Variants in NPHS1 observed in about 807,000 individuals in gnomAD.
NPHS1 encodes NPHS1 adhesion molecule, nephrin, also known as nephrin.
Under a neutral mutation model 139.7 loss-of-function variants are expected in NPHS1, and 107 were observed. That is an observed-to-expected ratio of 0.77 (90% CI 0.66 to 0.90). The LOEUF is 0.90. Among genes scored for constraint, NPHS1 ranks in the 40% least tolerant of loss-of-function variants. The probability of loss-of-function intolerance (pLI) is 0.00; values close to 1 mark genes in which losing one functional copy is unlikely to be tolerated. For synonymous variants in NPHS1, 707 were observed against 706.6 expected (o/e 1.00, Z -0.01); for missense variants, 1,580 against 1,654.2 (o/e 0.96, Z 0.78).
rs552917975 is a variant in NPHS1, at chr19:35,831,369, G to A, written c.3314C>T (p.Ser1105Leu). The A allele has an allele frequency of 4.3e-6, 7 of 1,613,898 alleles. No homozygotes were observed. The highest frequency in any genetic ancestry group is 2.2e-5 in the South Asian group (2 of 91,070). ...TTCGTTCCTGACTCGGTCCTCTTCC[G>A]ACCTTCCAGGATGAAGGTGTGGGGG... Reference protein sequence around the residue: ...EGISEKTEAGSEEDRVRNEYE... With the variant: ...EGISEKTEAGLEEDRVRNEYE... Residue 1105 changes from serine (S) to leucine (L), a missense_variant and splice_region_variant, in exon 26 of 29, where the codon TCG becomes TTG. Physicochemically the swap from Ser to Leu is moderately radical, Grantham distance 145. Transcript: ENST00000378910.
In NPHS1 at chr19:35,842,116, G is replaced by C; in HGVS notation, c.2663+8C>G. The C allele has an allele frequency of 6.2e-7, 1 of 1,600,708 alleles. No homozygotes were observed. Among genetic ancestry groups the C allele is most frequent in the South Asian group, 1.1e-5 (1 of 88,636 alleles). ...GCTGGAGTGCTGCCTGGCTGGGCTTGGGCTCACCTGGGATCTTGGAGATCC... is the reference window on the plus strand; with the variant it reads ...GCTGGAGTGCTGCCTGGCTGGGCTTCGGCTCACCTGGGATCTTGGAGATCC... On this transcript the variant is annotated splice_region_variant and intron_variant, in intron 19 of 28. Coordinates refer to ENST00000378910, the MANE Select transcript of NPHS1 (RefSeq NM_004646.4).
Position 35,851,885 on chromosome 19 carries a change from T to C in NPHS1, c.-48A>G. The C allele has an allele frequency of 2.0e-6, 3 of 1,508,282 alleles. No homozygotes were observed. The highest frequency in any genetic ancestry group is 2.7e-6 in the Non-Finnish European group (3 of 1,109,042). The allele number at this position is 1,508,282 out of a possible 1,614,324, so 93.4% of individuals were successfully genotyped here. Reference sequence around the variant, plus strand: ...CCCACAGCGCCCGCTGCCAGCCACCTGCGTCTGTCTGGCTTTCTCTGGGTC... The same window carrying C: ...CCCACAGCGCCCGCTGCCAGCCACCCGCGTCTGTCTGGCTTTCTCTGGGTC... On this transcript the variant is annotated 5_prime_UTR_variant, in exon 1 of 29. Transcript: ENST00000378910.
At chr19:35,836,487 G>T (rs1972963775) in intron 22 of NPHS1, among the ~76,000 whole-genome samples, 1 of 152,038 alleles carries the variant, frequency 6.6e-6, no homozygotes, top group Non-Finnish European at 1.5e-5. Context: ...TTATCAATTT[G>T]TTGAGTTAAC....
chr19:35,849,218 G>A lies in NPHS1; in HGVS notation c.840+18C>T. On this transcript the variant is annotated intron_variant, in intron 7 of 28. Coordinates refer to ENST00000378910, the MANE Select transcript of NPHS1 (RefSeq NM_004646.4). ...ACCCCACTGTCCCCCCATTCCCCAT[G>A]CCCGCGTTTGCCCTCACCTTCAGCC... 1.2e-6 allele frequency: 2 copies of A among 1,613,712 alleles called. No individual in the cohort carries two copies. The highest frequency in any genetic ancestry group is 1.7e-6 in the Non-Finnish European group (2 of 1,180,028).
At position 35,842,542 on chromosome 19, in the gene NPHS1, A is replaced by G; in HGVS notation, c.2343T>C (p.Asp781=). The change falls in exon 18 of 29, where the codon GAT becomes GAC. Residue 781 remains aspartate, a synonymous_variant. Transcript: ENST00000378910. ...GMFNWERLGE[D]EEDQSLDDME... is the part of the protein sequence containing the mutation. Reference sequence around the variant, plus strand: ...TGTCATCCAGGCTCTGGTCCTCCTCATCTTCTCCCTGGAGGCCCAAGAGTC... The same window carrying G: ...TGTCATCCAGGCTCTGGTCCTCCTCGTCTTCTCCCTGGAGGCCCAAGAGTC... 6.2e-7 allele frequency: 1 copy of G among 1,613,920 alleles called. No individual in the cohort carries two copies. The highest frequency in any genetic ancestry group is 8.5e-7 in the Non-Finnish European group (1 of 1,179,978).
chr19:35,850,230 T>C, intron 5 of NPHS1, 134 bp downstream of exon 5: 1 of 729,286 alleles, frequency 1.4e-6, no homozygotes, highest in Non-Finnish European at 2.4e-6. Context: ...TGAAGAAGCT[T>C]TGAGAGTCAG....
chr19:35,850,975 A>G lies in NPHS1; in HGVS notation c.512T>C (p.Ile171Thr). ...VSGDAKPAPDITILLSGQTIS... is the reference protein window; with the variant it reads ...VSGDAKPAPDTTILLSGQTIS... ...CCCACACTCACTCAGGAGAATGGTG[A>G]TGTCAGGTGCTGGCTTCGCGTCCCC... The change falls in exon 4 of 29, where the codon ATC becomes ACC. Residue 171 changes from isoleucine (I) to threonine (T), a missense_variant. Physicochemically the swap from Ile to Thr is moderately conservative, Grantham distance 89 (BLOSUM62 -1). Coordinates refer to ENST00000378910, the MANE Select transcript of NPHS1 (RefSeq NM_004646.4). The G allele has an allele frequency of 6.2e-7, 1 of 1,614,068 alleles. No homozygotes were observed. Among genetic ancestry groups the G allele is most frequent in the Non-Finnish European group, 8.5e-7 (1 of 1,180,020 alleles).
At chr19:35,846,641 T>G (rs984061825) in intron 11 of NPHS1, among the ~76,000 whole-genome samples, 9 of 152,244 alleles carry the variant, frequency 5.9e-5, no homozygotes, top group African/African-American at 2.2e-4. Context: ...TCCTTTGAAA[T>G]TTTCCTTAAT....
At position 35,849,371 on chromosome 19, in the gene NPHS1, A is replaced by G. The variant is rs1294744251; in HGVS notation, c.713-8T>C. 6.2e-7 allele frequency: 1 copy of G among 1,609,932 alleles called. No individual in the cohort carries two copies. The highest frequency in any genetic ancestry group is 8.5e-7 in the Non-Finnish European group (1 of 1,178,532). On this transcript the variant is annotated splice_region_variant and splice_polypyrimidine_tract_variant and intron_variant, in intron 6 of 28. Coordinates refer to ENST00000378910, the MANE Select transcript of NPHS1 (RefSeq NM_004646.4). ...CAGGGGGTCCTGGAGGGACTGGGGG[A>G]TATCAGTCACTCAGTGGGCCTGGAG... is the stretch of plus-strand genomic sequence containing the variant.
rs768047120 is a variant in NPHS1 at position 35,851,315 on chromosome 19, C to T, written c.344G>A (p.Arg115His). 1.2e-6 allele frequency: 2 copies of T among 1,613,820 alleles called. No homozygotes were observed. The highest frequency in any genetic ancestry group is 2.2e-5 in the East Asian group (1 of 44,882). ...DDAEYECQVG[R>H]SEMGPELVSP... ...CACGAGCTCGGGCCCCATCTCAGAG[C>T]GGCCGACCTGGCACTCATACTCCGC... The change falls in exon 3 of 29, where the codon CGC becomes CAC. Residue 115 changes from arginine to histidine, a missense_variant. Physicochemically the swap from Arg to His is conservative, Grantham distance 29 (BLOSUM62 0). Transcript: ENST00000378910.
intron 20 of NPHS1, 42 bp from the exon 21 acceptor site, chr19:35,839,649 G>T (rs775133373): frequency 6.7e-6 from 10 of 1,485,916 alleles, no homozygotes; most frequent in Non-Finnish European, 8.5e-6. Flanking sequence ...GGATACAAAA[G>T]AATTCCAGAA....
In NPHS1 at chr19:35,849,955, A is replaced by G. The variant is rs447783; in HGVS notation, c.609-302T>C. 0.16 allele frequency among the ~76,000 whole-genome samples: 24,127 copies of G among 152,118 alleles called. 4,340 individuals carry two copies. The highest frequency in any genetic ancestry group is 0.45 in the African/African-American group (18,468 of 41,450). On this transcript the variant is annotated intron_variant, in intron 5 of 28. Coordinates refer to ENST00000378910, the MANE Select transcript of NPHS1 (RefSeq NM_004646.4). ...TTTTGAGACAGAATCTGGCTCTATC[A>G]CCCAGGCTGGAGTGCAGTGGTACAA... is the stretch of plus-strand genomic sequence containing the variant.
rs1164554514 is a variant in NPHS1, at chr19:35,831,703, A to C, written c.3226T>G (p.Ser1076Ala). The change falls in exon 24 of 29, where the codon TCC becomes GCC. Residue 1076 changes from serine (S) to alanine (A), a missense_variant. Ser to Ala is a moderately conservative substitution (Grantham distance 99). Transcript: ENST00000378910. Reference sequence around the variant, plus strand: ...ACCCCCCCGACACAGGAGGCATTGGAGAGGAGCAGAAGCCCCCCAAGAGCG... The same window carrying C: ...ACCCCCCCGACACAGGAGGCATTGGCGAGGAGCAGAAGCCCCCCAAGAGCG... ...LFALGGLLLL[S>A]NASCVGGVLW... is the part of the protein sequence containing the mutation. 8 of 1,601,334 alleles carry C rather than the reference A, an allele frequency of 5.0e-6. No individual in the cohort carries two copies. Among genetic ancestry groups the C allele is most frequent in the Non-Finnish European group, 6.8e-6 (8 of 1,174,392 alleles).
rs533216321 is a variant in NPHS1 at position 35,845,251 on chromosome 19, C to CA, written c.1930+116dup. 1.6e-4 allele frequency: 195 copies of CA among 1,245,190 alleles called. No homozygotes were observed. The African/African-American group carries it at 2.7e-3, about 17-fold the overall frequency. The allele number at this position is 1,245,190 out of a possible 1,614,324, so 77.1% of individuals were successfully genotyped here. On this transcript the variant is annotated intron_variant, in intron 14 of 28. Coordinates refer to ENST00000378910, the MANE Select transcript of NPHS1 (RefSeq NM_004646.4). This position sits in a 1 kb window ranked among gnomAD's most constrained non-coding sequence, Gnocchi z 5.5. ...CGTCACTGCATTGCAGCCTGAGCGACAAAAAATGAAAGAGAGAGAGAGAGA... is the reference window on the plus strand; with the variant it reads ...CGTCACTGCATTGCAGCCTGAGCGACAAAAAAATGAAAGAGAGAGAGAGAGA...
At position 35,843,542 on chromosome 19, in the gene NPHS1, C is replaced by G; in HGVS notation, c.2264G>C (p.Gly755Ala). 2 of 1,614,082 alleles carry G rather than the reference C, an allele frequency of 1.2e-6. No individual in the cohort carries two copies. Among genetic ancestry groups the G allele is most frequent in the Non-Finnish European group, 1.7e-6 (2 of 1,179,978 alleles). The change falls in exon 17 of 29, where the codon GGT becomes GCT. Residue 755 changes from glycine (G) to alanine (A), a missense_variant. By Grantham distance (60) the Gly-to-Ala change is moderately conservative. Transcript: ENST00000378910. The stretch of plus-strand genomic sequence containing the variant: ...GACAGTGCAGACTATGTCCACAGAA[C>G]CCCCGACGTTCACCTCAGTGGGGTC... ...LQDPTEVNVG[G>A]SVDIVCTVDA... is the part of the protein sequence containing the mutation.
chr19:35,832,348 AG>A (rs1972895742), intron 23 of NPHS1, among the ~76,000 whole-genome samples: 1 of 152,162 alleles, frequency 6.6e-6, no homozygotes, highest in South Asian at 2.1e-4. Flanking sequence ...GCTCAAGACC[AG>A]CCTAGGCAAC....
rs912753611 is a variant in NPHS1 at position 35,852,293 on chromosome 19, CCTCT to C, written c.-460_-457del. Among the ~76,000 whole-genome samples the C allele has an allele frequency of 2.0e-5, 3 of 149,244 alleles. No homozygotes were observed. The highest frequency in any genetic ancestry group is 4.4e-5 in the Non-Finnish European group (3 of 67,694). On this transcript the variant is annotated 5_prime_UTR_variant, in exon 1 of 29. Coordinates refer to ENST00000378910, the MANE Select transcript of NPHS1 (RefSeq NM_004646.4). ...CTCTCTCCTTTTGTCTCTGTCTCTTCCTCTCTCTCTGTCTCTCTCTCTCTCTCTC... is the reference window on the plus strand; with the variant it reads ...CTCTCTCCTTTTGTCTCTGTCTCTTCCTCTCTGTCTCTCTCTCTCTCTCTC...
intron 22 of NPHS1, among the ~76,000 whole-genome samples, chr19:35,837,662 G>A (rs1972986365): frequency 6.6e-6 from 1 of 151,280 alleles, no homozygotes; most frequent in Admixed American, 6.6e-5. Context: ...GAGTACAATG[G>A]CACCATCTCT....
Position 35,841,680 on chromosome 19 carries a change from A to T in NPHS1, c.2815+35T>A, listed in dbSNP as rs1199442322. ...GGATGTGGGAATGGATCCAGGGAGC[A>T]CCCCCTCCCCAACACCCTCACAGCC... On this transcript the variant is annotated intron_variant, in intron 20 of 28. Transcript: ENST00000378910. 1.9e-6 allele frequency: 3 copies of T among 1,611,844 alleles called. No homozygotes were observed. In the Admixed American group the frequency reaches 5.0e-5, roughly 27 times the overall value.
Sources: allele counts gnomAD v4.1 joint callset (sites outside exome capture counted in the v4.1 genomes callset), GRCh38; gene constraint gnomAD v4.1.1; non-coding constraint Gnocchi (gnomAD v3.1); transcripts MANE v1.5; gene names NCBI Gene and HGNC (gene_info 2026-07-23, HGNC 2026-07-21).